Variants in LPAR1 observed in about 807,000 individuals in gnomAD.
LPAR1 encodes the protein LPA receptor 1.
A neutral mutation model predicts 23.8 loss-of-function variants in LPAR1; 5 were observed. That is an observed-to-expected ratio of 0.21 (90% CI 0.11 to 0.44). LPAR1 has a LOEUF of 0.44. Ranked by LOEUF, LPAR1 falls within the 20% of genes least tolerant of loss-of-function variation. The pLI is 0.99. For synonymous variants in LPAR1, 160 were observed against 164.7 expected (o/e 0.97, Z 0.22); for missense variants, 311 against 482.8 (o/e 0.64, Z 3.33).
At chr9:111,003,190 T>C (rs1787595736) in intron 2 of LPAR1, among the ~76,000 whole-genome samples, 1 of 152,202 alleles carries the variant, frequency 6.6e-6, no homozygotes, top group Admixed American at 6.5e-5. Flanking sequence ...GAATTGAATG[T>C]TCCTGCATAG....
rs1253693365 is a variant in LPAR1 at position 110,937,087 on chromosome 9, A to G, written c.793+4334T>C. The stretch of plus-strand genomic sequence containing the variant: ...TGAACAAAATCCTCCCTCAATCAGA[A>G]GCCATCAGTTAGTGCTGCTGCAACA... On this transcript the variant is annotated intron_variant, in intron 5 of 5. Coordinates refer to ENST00000683809, the MANE Select transcript of LPAR1 (RefSeq NM_001351411.2). 3.3e-5 allele frequency among the ~76,000 whole-genome samples: 5 copies of G among 152,306 alleles called. No individual in the cohort carries two copies. In the South Asian group the frequency reaches 1.0e-3, roughly 32 times the overall value.
chr9:110,896,212 C>A (rs907912973), intron 5 of LPAR1, among the ~76,000 whole-genome samples: 1 of 152,132 alleles, frequency 6.6e-6, no homozygotes, highest in Non-Finnish European at 1.5e-5. Context: ...GACTATGCTG[C>A]GTACTTTCTA....
At chr9:110,984,272 A>G (rs1564250833) in intron 2 of LPAR1, among the ~76,000 whole-genome samples, 1 of 151,982 alleles carries the variant, frequency 6.6e-6, no homozygotes, top group African/African-American at 2.4e-5. Flanking sequence ...CTATCCTTCT[A>G]TTCTCTGTCT....
intron 5 of LPAR1, among the ~76,000 whole-genome samples, chr9:110,934,884 CTT>C (rs1226379371): frequency 6.6e-6 from 1 of 151,822 alleles, no homozygotes; most frequent in East Asian, 1.9e-4. Flanking sequence ...AGAGCACAAA[CTT>C]AATATAAAAA....
chr9:111,006,459 G>A (rs979385426), intron 2 of LPAR1, among the ~76,000 whole-genome samples: 6 of 152,022 alleles, frequency 3.9e-5, no homozygotes, highest in East Asian at 3.9e-4. Context: ...CTTAACACAC[G>A]CACCTGCTTG....
At chr9:110,958,065 G>A (rs2095821676) in intron 4 of LPAR1, among the ~76,000 whole-genome samples, 3 of 152,126 alleles carry the variant, frequency 2.0e-5, no homozygotes. Flanking sequence ...ACAAAACACT[G>A]ATGAAAGAAA....
intron 3 of LPAR1, among the ~76,000 whole-genome samples, chr9:110,972,773 C>T (rs2096463225): frequency 6.6e-6 from 1 of 151,888 alleles, no homozygotes. Flanking sequence ...ATGGCAAAAC[C>T]CCATCTCTAC....
intron 2 of LPAR1, among the ~76,000 whole-genome samples, chr9:110,976,325 T>G (rs1226098968): frequency 8.5e-6 from 1 of 117,962 alleles, no homozygotes; most frequent in Admixed American, 9.9e-5. Context: ...ACCCCGTGTC[T>G]ACTAAAAATA....
rs148571672 is a variant in LPAR1 at position 110,945,843 on chromosome 9, G to A, written c.46-3675C>T. Among the ~76,000 whole-genome samples, 584 of 152,180 alleles carry A rather than the reference G, an allele frequency of 3.8e-3. 1 individual carries two copies. The highest frequency in any genetic ancestry group is 0.013 in the African/African-American group (541 of 41,508). On this transcript the variant is annotated intron_variant, in intron 4 of 5. Coordinates refer to ENST00000683809, the MANE Select transcript of LPAR1 (RefSeq NM_001351411.2). ...ATGACTAGTCAGGTCTTTCTCACAT[G>A]ACTGACACTCAATCTTCTTTCTCAC...
chr9:110,962,837 T>C (rs2096055582), intron 4 of LPAR1, among the ~76,000 whole-genome samples: 1 of 152,092 alleles, frequency 6.6e-6, no homozygotes, highest in African/African-American at 2.4e-5. Context: ...CAGGGAAAGG[T>C]TGATTTTTTT....
intron 4 of LPAR1, among the ~76,000 whole-genome samples, chr9:110,957,479 G>A (rs1588531952): frequency 6.6e-6 from 1 of 151,888 alleles, no homozygotes; most frequent in South Asian, 2.1e-4. Context: ...ACAGAACGAA[G>A]AATAAATACC....
At chr9:110,898,608 A>G (rs549032043) in intron 5 of LPAR1, among the ~76,000 whole-genome samples, 1 of 152,232 alleles carries the variant, frequency 6.6e-6, no homozygotes, top group Non-Finnish European at 1.5e-5. Context: ...CGAGATGAAG[A>G]CAGCTATGTT....
intron 1 of LPAR1, 66 bp from the exon 2 acceptor site, chr9:111,036,267 T>C (rs941012922): frequency 1.3e-5 from 2 of 151,928 alleles, no homozygotes; most frequent in East Asian, 3.9e-4. Flanking sequence ...AAGGATCACC[T>C]TGACCTCACC....
chr9:110,997,595 C>T (rs1361334330), intron 2 of LPAR1, among the ~76,000 whole-genome samples: 1 of 152,090 alleles, frequency 6.6e-6, no homozygotes, highest in Non-Finnish European at 1.5e-5. Context: ...AAACACAAAA[C>T]AAAACCAGAC....
chr9:110,983,350 T>C (rs1213544824), intron 2 of LPAR1, among the ~76,000 whole-genome samples: 2 of 152,084 alleles, frequency 1.3e-5, no homozygotes, highest in African/African-American at 4.8e-5. Context: ...TATTCTGGCA[T>C]ATGCTATGAC....
rs78797792 is a variant in LPAR1 at position 110,949,011 on chromosome 9, A to C, written c.46-6843T>G. On this transcript the variant is annotated intron_variant, in intron 4 of 5. Coordinates refer to ENST00000683809, the MANE Select transcript of LPAR1 (RefSeq NM_001351411.2). ...TTGGAAAATAAATAAAGAGTCCCTT[A>C]AGAAATCATGACTCTAGTCCCATAA... Among the ~76,000 whole-genome samples the C allele has an allele frequency of 7.0e-3, 1,069 of 152,262 alleles. 15 individuals are homozygous for C. The highest frequency in any genetic ancestry group is 0.024 in the African/African-American group (1,015 of 41,536).
intron 2 of LPAR1, among the ~76,000 whole-genome samples, chr9:111,009,923 C>G (rs2097295272): frequency 6.8e-6 from 1 of 146,238 alleles, no homozygotes; most frequent in Non-Finnish European, 1.5e-5. Flanking sequence ...TTATATTTTA[C>G]AAATTCTCAT....
At chr9:110,929,125 C>A (rs3780526) in intron 5 of LPAR1, among the ~76,000 whole-genome samples, 2 of 152,066 alleles carry the variant, frequency 1.3e-5, no homozygotes, top group African/African-American at 4.8e-5. Flanking sequence ...TTCAAAAAGA[C>A]CCTGTTATTG....
chr9:110,964,853 C>CTT (rs35426082), intron 4 of LPAR1, among the ~76,000 whole-genome samples: 693 of 67,142 alleles, frequency 0.01, 67 homozygotes, highest in African/African-American at 0.031. Flanking sequence ...ACACCAATCA[C>CTT]TTTTTTTTTT....
Sources: allele counts gnomAD v4.1 joint callset (sites outside exome capture counted in the v4.1 genomes callset), GRCh38; gene constraint gnomAD v4.1.1; transcripts MANE v1.5; gene names NCBI Gene and HGNC (gene_info 2026-07-23, HGNC 2026-07-21).